The following PGM1 variants were observed in gnomAD, a reference collection of about 807,000 sequenced individuals.
PGM1 encodes phosphoglucomutase-1.
PGM1 carries 52 observed loss-of-function variants against 55.6 expected under a neutral mutation model. That is an observed-to-expected ratio of 0.94 (90% confidence interval 0.75 to 1.18). The LOEUF (loss-of-function observed/expected upper bound fraction) is 1.18, where lower values mean the gene tolerates loss of function less well. Among genes scored for constraint, PGM1 ranks in the 50% most tolerant of loss-of-function variants. The probability of loss-of-function intolerance (pLI) is 0.00; values close to 1 mark genes in which losing one functional copy is unlikely to be tolerated. For missense variants in PGM1, 724 were observed against 729.3 expected (o/e 0.99, Z 0.08); for synonymous variants, 287 against 271.7 (o/e 1.06, Z -0.55).
At chr1:63,659,540 T>C (rs763621468) in intron 10 of PGM1, 46 bp from the exon 11 acceptor site, 1 of 1,466,882 alleles carries the variant, frequency 6.8e-7, no homozygotes, top group Admixed American at 1.7e-5. Flanking sequence ...TAAGCATCTG[T>C]GTTTAGAGGA....
chr1:63,623,258 G>A, intron 1 of PGM1: 1 of 1,415,800 alleles, frequency 7.1e-7, no homozygotes, highest in Non-Finnish European at 9.2e-7. Flanking sequence ...GTGCGAGTGG[G>A]TGTGTGGCCC....
In PGM1 at chr1:63,634,954, G is replaced by C. The variant is rs1221360466; in HGVS notation, c.808G>C (p.Ala270Pro). ...HHPDPNLTYA[A>P]DLVETMKSGE... ...CCCTGACCCCAACCTCACCTATGCA[G>C]CTGACCTGGTGGAGACCATGAAGTC... Residue 270 changes from alanine (A) to proline (P), a missense_variant, in exon 5 of 11, where the codon GCT becomes CCT. This residue lies in a region of PGM1 where 379 missense variants were observed against 357.5 expected (regional missense o/e 1.06). Coordinates refer to ENST00000371084, the MANE Select transcript of PGM1 (RefSeq NM_002633.3). 6.2e-7 allele frequency: 1 copy of C among 1,613,976 alleles called. No individual in the cohort carries two copies. The highest frequency in any genetic ancestry group is 8.5e-7 in the Non-Finnish European group (1 of 1,180,016).
chr1:63,613,246 G>A (rs764799711), intron 1 of PGM1, among the ~76,000 whole-genome samples: 26 of 146,972 alleles, frequency 1.8e-4, no homozygotes, highest in South Asian at 8.8e-4. Flanking sequence ...TGCTGCAAAA[G>A]GAGTTGGCTT....
At chr1:63,635,868 A>G (rs1364164751) in intron 5 of PGM1, among the ~76,000 whole-genome samples, 3 of 152,178 alleles carry the variant, frequency 2.0e-5, no homozygotes, top group African/African-American at 7.2e-5. Context: ...TAAACAGCCA[A>G]TATTTCTTCT....
chr1:63,616,016 A>G (rs1648703070), intron 1 of PGM1, among the ~76,000 whole-genome samples: 1 of 151,986 alleles, frequency 6.6e-6, no homozygotes, highest in Non-Finnish European at 1.5e-5. Flanking sequence ...TTTCCACCAC[A>G]AGAGGGCAAC....
intron 1 of PGM1, among the ~76,000 whole-genome samples, chr1:63,609,077 C>T (rs1045209414): frequency 6.6e-6 from 1 of 152,150 alleles, no homozygotes; most frequent in African/African-American, 2.4e-5. Flanking sequence ...GTGCCTCTTA[C>T]CACCCTCACT....
intron 1 of PGM1, among the ~76,000 whole-genome samples, chr1:63,599,536 C>T (rs1648175771): frequency 6.6e-6 from 1 of 151,046 alleles, no homozygotes; most frequent in African/African-American, 2.4e-5. Flanking sequence ...ATGGTGGGGC[C>T]GGGCATGGTG....
chr1:63,628,624 C>G (rs1649103577), intron 1 of PGM1, among the ~76,000 whole-genome samples: 1 of 152,218 alleles, frequency 6.6e-6, no homozygotes, highest in Non-Finnish European at 1.5e-5. Context: ...CCTCAACCTT[C>G]TTTTCCAACT....
intron 9 of PGM1, 147 bp from the exon 10 acceptor site, chr1:63,654,185 A>G: frequency 2.5e-6 from 2 of 796,960 alleles, no homozygotes; most frequent in Admixed American, 1.9e-5. Context: ...GCAGGCTCAC[A>G]AGGTGCAGCT....
chr1:63,645,352 A>C (rs890975453), intron 7 of PGM1, among the ~76,000 whole-genome samples: 2 of 152,180 alleles, frequency 1.3e-5, no homozygotes, highest in East Asian at 3.9e-4. Context: ...ACTGCCTTCT[A>C]TGCTTTCAGT....
Position 63,634,825 on chromosome 1 carries a change from A to G in PGM1, c.683-4A>G. The G allele has an allele frequency of 6.2e-7, 1 of 1,611,294 alleles. No individual in the cohort carries two copies. Among genetic ancestry groups the G allele is most frequent in the East Asian group, 2.2e-5 (1 of 44,864 alleles). ...TGCATACATTTATTCCATGCTGTAT[A>G]TAGTTGTGGGACCGTATGTAAAGAA... On this transcript the variant is annotated splice_polypyrimidine_tract_variant and splice_region_variant and intron_variant, in intron 4 of 10. Coordinates refer to ENST00000371084, the MANE Select transcript of PGM1 (RefSeq NM_002633.3).
At chr1:63,612,902 C>T (rs944815876) in intron 1 of PGM1, among the ~76,000 whole-genome samples, 1 of 152,164 alleles carries the variant, frequency 6.6e-6, no homozygotes, top group African/African-American at 2.4e-5. Context: ...CCACTCCTGA[C>T]TCCTGCCTGA....
intron 7 of PGM1, among the ~76,000 whole-genome samples, chr1:63,642,632 A>G (rs534361198): frequency 6.6e-6 from 1 of 152,316 alleles, no homozygotes; most frequent in South Asian, 2.1e-4. Flanking sequence ...GGCTTGGGAA[A>G]GAGCGATGGG....
At chr1:63,646,558 T>C (rs1018875286) in intron 7 of PGM1, among the ~76,000 whole-genome samples, 5 of 152,152 alleles carry the variant, frequency 3.3e-5, no homozygotes, top group Non-Finnish European at 5.9e-5. Flanking sequence ...GCTGGATCCA[T>C]GAGTAGGTCC....
intron 10 of PGM1, among the ~76,000 whole-genome samples, chr1:63,659,035 C>T: frequency 6.6e-6 from 1 of 152,144 alleles, no homozygotes; most frequent in East Asian, 1.9e-4. Context: ...AGAAAAGACC[C>T]ACCCCCATGA....
intron 8 of PGM1, among the ~76,000 whole-genome samples, chr1:63,650,393 T>C (rs1478680452): frequency 6.6e-6 from 1 of 152,208 alleles, no homozygotes; most frequent in African/African-American, 2.4e-5. Context: ...AGAAAACATT[T>C]CTCTGGAGTA....
At chr1:63,635,796 C>A (rs994177913) in intron 5 of PGM1, among the ~76,000 whole-genome samples, 2 of 152,180 alleles carry the variant, frequency 1.3e-5, no homozygotes, top group Non-Finnish European at 2.9e-5. Flanking sequence ...TGGCCACCCT[C>A]CCAGTTACTG....
intron 7 of PGM1, among the ~76,000 whole-genome samples, chr1:63,640,804 A>G (rs1201412282): frequency 6.6e-6 from 1 of 151,954 alleles, no homozygotes; most frequent in Admixed American, 6.6e-5. Flanking sequence ...CTCATTTCAC[A>G]TTGTTTATAG....
rs185807432 is a variant in PGM1, at chr1:63,594,046, C to T, written c.246+312C>T. 2,168 of 1,087,076 alleles carry T rather than the reference C, an allele frequency of 2.0e-3. 34 individuals carry two copies. In the African/African-American group the frequency reaches 0.03, roughly 15 times the overall value. The allele number at this position is 1,087,076 out of a possible 1,614,324, so 67.3% of individuals were successfully genotyped here. ...CTCTAGCCGCTGCCTTCCCTCTCCCCGTCCCCCGCCCCTCCCGAGGCGTCT... is the reference window on the plus strand; with the variant it reads ...CTCTAGCCGCTGCCTTCCCTCTCCCTGTCCCCCGCCCCTCCCGAGGCGTCT... On this transcript the variant is annotated intron_variant, in intron 1 of 10. Transcript: ENST00000371084.
Sources: allele counts gnomAD v4.1 joint callset (sites outside exome capture counted in the v4.1 genomes callset), GRCh38; gene constraint gnomAD v4.1.1; regional missense constraint gnomAD v4.1.1; transcripts MANE v1.5; gene names NCBI Gene and HGNC (gene_info 2026-07-23, HGNC 2026-07-21).